Variants in ADGRA3 observed in about 807,000 individuals in gnomAD.
ADGRA3 encodes the protein adhesion G protein-coupled receptor A3.
In ADGRA3, 56 loss-of-function variants were observed where a neutral mutation model predicts 119.8. That is an observed-to-expected ratio of 0.47 (90% CI 0.38 to 0.58). ADGRA3 has a LOEUF of 0.58. Ranked by LOEUF, ADGRA3 falls within the 20% of genes least tolerant of loss-of-function variation. The probability of loss-of-function intolerance (pLI) is 0.00; values close to 1 mark genes in which losing one functional copy is unlikely to be tolerated. For synonymous variants in ADGRA3, 607 were observed against 623.8 expected, an observed-to-expected ratio of 0.97 and a Z score of 0.40; for missense variants, 1,516 against 1,649.0, an observed-to-expected ratio of 0.92 and a Z score of 1.40.
At chr4:22,399,306 T>C (rs1714508873) in intron 16 of ADGRA3, among the ~76,000 whole-genome samples, 1 of 152,236 alleles carries the variant, frequency 6.6e-6, no homozygotes, top group African/African-American at 2.4e-5. Flanking sequence ...AATTTGTAAC[T>C]TACCTTTTCA....
At chr4:22,512,270 G>A (rs1719476619) in intron 1 of ADGRA3, among the ~76,000 whole-genome samples, 1 of 152,054 alleles carries the variant, frequency 6.6e-6, no homozygotes, top group Non-Finnish European at 1.5e-5. Context: ...GAGGGAGAAG[G>A]AGGCCCTGGT....
chr4:22,472,989 G>C (rs751214853), intron 2 of ADGRA3: 1 of 152,128 alleles, frequency 6.6e-6, no homozygotes, highest in Non-Finnish European at 1.5e-5. Context: ...AGTGCTACCT[G>C]TAACACATCA....
intron 1 of ADGRA3, among the ~76,000 whole-genome samples, chr4:22,492,829 G>A (rs1471189515): frequency 6.6e-6 from 1 of 152,228 alleles, no homozygotes; most frequent in East Asian, 1.9e-4. Context: ...ATCATCTAGA[G>A]ATGACCATTT....
chr4:22,461,335 C>G (rs1393113200), intron 3 of ADGRA3, among the ~76,000 whole-genome samples: 1 of 152,230 alleles, frequency 6.6e-6, no homozygotes, highest in Non-Finnish European at 1.5e-5. Context: ...TTTATTGAGA[C>G]AGAGTCTCGC....
At chr4:22,453,216 A>AG (rs11410496) in intron 4 of ADGRA3, among the ~76,000 whole-genome samples, 94,206 of 136,810 alleles carry the variant, frequency 0.69, 34,722 homozygotes, top group Non-Finnish European at 0.82. Flanking sequence ...AAAAAAAAAA[A>AG]AGAAAGAAAA....
At chr4:22,474,781 C>T (rs541304903) in intron 1 of ADGRA3, among the ~76,000 whole-genome samples, 16 of 152,218 alleles carry the variant, frequency 1.1e-4, no homozygotes, top group Middle Eastern at 3.4e-3. Flanking sequence ...ATGTTGGTCA[C>T]GAGGCACACT....
intron 1 of ADGRA3, among the ~76,000 whole-genome samples, chr4:22,488,750 A>C (rs1431071997): frequency 6.6e-6 from 1 of 152,222 alleles, no homozygotes; most frequent in East Asian, 1.9e-4. Context: ...ACAGCACAGA[A>C]AATTTAAAAT....
chr4:22,414,401 C>T (rs905577238), intron 12 of ADGRA3: 3 of 457,492 alleles, frequency 6.6e-6, no homozygotes, highest in African/African-American at 6.1e-5. Context: ...ACTGAAAATG[C>T]TGACTGATCA....
intron 2 of ADGRA3, 33 bp from the exon 3 acceptor site, chr4:22,461,841 T>A (rs750574463): frequency 7.4e-7 from 1 of 1,354,732 alleles, no homozygotes; most frequent in East Asian, 2.3e-5. Flanking sequence ...TATTCACATA[T>A]CAACACTGCA....
chr4:22,443,803 T>C, intron 6 of ADGRA3, among the ~76,000 whole-genome samples: 1 of 152,212 alleles, frequency 6.6e-6, no homozygotes, highest in Non-Finnish European at 1.5e-5. Flanking sequence ...TTTTCAGTCA[T>C]GAACATAAAC....
intron 7 of ADGRA3, among the ~76,000 whole-genome samples, chr4:22,442,217 G>T (rs1457155376): frequency 2.0e-5 from 3 of 151,974 alleles, no homozygotes; most frequent in African/African-American, 7.3e-5. Context: ...GAGGTTGATA[G>T]TTCAGATGTT....
chr4:22,422,274 G>C (rs1185053167), intron 11 of ADGRA3, among the ~76,000 whole-genome samples: 3 of 152,116 alleles, frequency 2.0e-5, no homozygotes, highest in African/African-American at 7.2e-5. Flanking sequence ...ATGAAATTTT[G>C]ATGCACGATG....
rs374191474 is a variant in ADGRA3, at chr4:22,392,570, G to A, written c.2602C>T (p.Pro868Ser). Residue 868 changes from proline to serine, a missense_variant, in exon 17 of 19, where the codon CCA (proline) becomes TCA (serine). This residue lies in a region of ADGRA3 where 1,088 missense variants were observed against 1,107.1 expected (regional missense o/e 0.98). Coordinates refer to ENST00000334304, the MANE Select transcript of ADGRA3 (RefSeq NM_145290.4). ...CTGAGCATTGGTCTTGGTGGAGGTG[G>A]TGGTTCATCAGGATCCTGGCATCTT... The part of the protein sequence containing the change: ...AKRCQDPDEP[P>S]PPPRPMLRFY... The A allele has an allele frequency of 1.9e-6, 3 of 1,613,828 alleles. No individual in the cohort carries two copies. Among genetic ancestry groups the A allele is most frequent in the African/African-American group, 2.7e-5 (2 of 74,886 alleles).
At chr4:22,475,632 C>A (rs1560336132) in intron 1 of ADGRA3, among the ~76,000 whole-genome samples, 1 of 151,826 alleles carries the variant, frequency 6.6e-6, no homozygotes, top group Non-Finnish European at 1.5e-5. Flanking sequence ...GAGGCTGACG[C>A]AGGAGAATGG....
chr4:22,466,191 C>T (rs1717651382), intron 2 of ADGRA3, among the ~76,000 whole-genome samples: 1 of 152,188 alleles, frequency 6.6e-6, no homozygotes, highest in African/African-American at 2.4e-5. Context: ...CTTTCCTTCA[C>T]CAACTCTCAC....
chr4:22,419,464 C>T (rs1054600122), intron 12 of ADGRA3, among the ~76,000 whole-genome samples: 1 of 152,040 alleles, frequency 6.6e-6, no homozygotes, highest in Non-Finnish European at 1.5e-5. Context: ...GTAATGTGTC[C>T]TTGCTCTCTG....
chr4:22,399,193 CT>C (rs1182659627), intron 16 of ADGRA3, among the ~76,000 whole-genome samples: 1 of 152,182 alleles, frequency 6.6e-6, no homozygotes, highest in African/African-American at 2.4e-5. Context: ...TCTCCTGCTA[CT>C]TTTTCTTCTG....
At chr4:22,484,304 C>A (rs1281374765) in intron 1 of ADGRA3, among the ~76,000 whole-genome samples, 1 of 152,014 alleles carries the variant, frequency 6.6e-6, no homozygotes, top group Non-Finnish European at 1.5e-5. Flanking sequence ...AAATTATTTT[C>A]AAATAAAAAG....
intron 2 of ADGRA3, among the ~76,000 whole-genome samples, chr4:22,467,615 A>ATC (rs1717705866): frequency 6.6e-6 from 1 of 152,240 alleles, no homozygotes; most frequent in African/African-American, 2.4e-5. Context: ...CCTCTCATGA[A>ATC]TAACTGAGCA....
Sources: allele counts gnomAD v4.1 joint callset (sites outside exome capture counted in the v4.1 genomes callset), GRCh38; gene constraint gnomAD v4.1.1; regional missense constraint gnomAD v4.1.1; transcripts MANE v1.5; gene names NCBI Gene and HGNC (gene_info 2026-07-23, HGNC 2026-07-21).